Variants in PCDHA7 observed in about 807,000 individuals in gnomAD.
PCDHA7 encodes protocadherin alpha 7, also known as protocadherin alpha-7.
PCDHA7 carries 37 observed loss-of-function variants against 57.2 expected under a neutral mutation model. The ratio of observed to expected loss-of-function variants is 0.65; its 90% CI spans 0.50 to 0.85. PCDHA7 has a LOEUF of 0.85. PCDHA7 is among the 40% of genes least tolerant of loss of function. PCDHA7 has a pLI of 0.00. For missense variants in PCDHA7, 1,188 were observed against 1,241.8 expected, an observed-to-expected ratio of 0.96 and a Z score of 0.65; for synonymous variants, 553 against 558.8, an observed-to-expected ratio of 0.99 and a Z score of 0.15.
intron 1 of PCDHA7, among the ~76,000 whole-genome samples, chr5:140,978,417 A>G (rs2096800848): frequency 6.6e-6 from 1 of 152,158 alleles, no homozygotes. Context: ...CAGAAAAGAG[A>G]CTGTTATCAG....
chr5:140,924,747 T>G (rs1026870483), intron 1 of PCDHA7, among the ~76,000 whole-genome samples: 2 of 151,786 alleles, frequency 1.3e-5, no homozygotes, highest in African/African-American at 4.8e-5. Flanking sequence ...ATACAAAAAT[T>G]AACCGAGCAT....
chr5:140,842,394 C>T (rs2150335201), intron 1 of PCDHA7: 6 of 1,611,212 alleles, frequency 3.7e-6, no homozygotes, highest in Admixed American at 3.3e-5. Flanking sequence ...TTATCCTTGC[C>T]TGTACGTGAA....
intron 3 of PCDHA7, among the ~76,000 whole-genome samples, chr5:140,987,959 C>T (rs1222591572): frequency 1.3e-5 from 2 of 152,132 alleles, no homozygotes; most frequent in South Asian, 2.1e-4. Context: ...AAACCAACTC[C>T]CCATGGAAAG....
At chr5:140,869,391 C>CG (rs2051094995) in intron 1 of PCDHA7, 1 of 1,614,020 alleles carries the variant, frequency 6.2e-7, no homozygotes, top group Non-Finnish European at 8.5e-7. Context: ...AGGAGCTGTG[C>CG]GGGCAGAGCG....
chr5:140,836,381 G>A lies in PCDHA7; in HGVS notation c.1998G>A (p.Leu666=). ...EPSLTATATV[L]VSLVESGQAP... ...CGCTGACAGCCACAGCCACCGTGCT[G>A]GTGTCGCTGGTGGAAAGCGGCCAGG... Residue 666 remains leucine, a synonymous_variant, in exon 1 of 4, where the codon CTG becomes CTA. Transcript: ENST00000525929. 2 of 1,613,746 alleles carry A rather than the reference G, an allele frequency of 1.2e-6. No individual in the cohort carries two copies. Among genetic ancestry groups the A allele is most frequent in the Non-Finnish European group, 1.7e-6 (2 of 1,179,842 alleles).
chr5:140,995,800 A>G (rs180764210), intron 3 of PCDHA7, among the ~76,000 whole-genome samples: 3 of 152,282 alleles, frequency 2.0e-5, no homozygotes, highest in Non-Finnish European at 2.9e-5. Context: ...GTCTCATGTT[A>G]GTTTCTGAAG....
At position 140,834,478 on chromosome 5, in the gene PCDHA7, A is replaced by T; in HGVS notation, c.95A>T (p.His32Leu). 6.2e-7 allele frequency: 1 copy of T among 1,614,162 alleles called. No individual in the cohort carries two copies. Reference protein sequence around the residue: ...AAWEAGRGQLHYSVPEEAKHG... With the variant: ...AAWEAGRGQLLYSVPEEAKHG... ...TGGGAGGCAGGGAGAGGCCAGCTCC[A>T]CTACTCGGTCCCCGAGGAGGCTAAA... The change falls in exon 1 of 4, where the codon CAC becomes CTC. Residue 32 changes from histidine (H) to leucine (L), a missense_variant. Physicochemically the swap from His to Leu is moderately conservative, Grantham distance 99. Coordinates refer to ENST00000525929, the MANE Select transcript of PCDHA7 (RefSeq NM_018910.3).
chr5:141,010,462 T>A lies in PCDHA7; in HGVS notation c.*525T>A. On this transcript the variant is annotated 3_prime_UTR_variant, in exon 4 of 4. Transcript: ENST00000525929. ...ACAAATAAACAGCGGAAGTTATCAGTATGGAGGGGAAGTGTAAACTTAAAG... is the reference window on the plus strand; with the variant it reads ...ACAAATAAACAGCGGAAGTTATCAGAATGGAGGGGAAGTGTAAACTTAAAG... The A allele has an allele frequency of 2.4e-6, 2 of 822,568 alleles. No individual in the cohort carries two copies. Among genetic ancestry groups the A allele is most frequent in the Non-Finnish European group, 3.6e-6 (2 of 552,664 alleles). The allele number at this position is 822,568 out of a possible 1,614,324, so 51.0% of individuals were successfully genotyped here.
intron 1 of PCDHA7, among the ~76,000 whole-genome samples, chr5:140,973,587 C>T (rs2096594455): frequency 6.6e-6 from 1 of 152,194 alleles, no homozygotes; most frequent in African/African-American, 2.4e-5. Flanking sequence ...ACTGCTGAGC[C>T]AGATGGAATT....
At chr5:140,847,123 C>T (rs1554141658) in intron 1 of PCDHA7, among the ~76,000 whole-genome samples, 1 of 149,564 alleles carries the variant, frequency 6.7e-6, no homozygotes, top group African/African-American at 2.4e-5. Context: ...AGAATGAAAG[C>T]AGGAAAACCA....
intron 1 of PCDHA7, chr5:140,966,689 G>A (rs1002366053): frequency 2.2e-6 from 3 of 1,343,650 alleles, no homozygotes; most frequent in Non-Finnish European, 2.9e-6. Context: ...GAGCGGAGGC[G>A]GGGCCCGGGC....
At position 140,834,541 on chromosome 5, in the gene PCDHA7, G is replaced by A; in HGVS notation, c.158G>A (p.Gly53Glu). The change falls in exon 1 of 4, where the codon GGG becomes GAG. Residue 53 changes from glycine to glutamate, a missense_variant. Gly to Glu is a moderately conservative substitution (Grantham distance 98, BLOSUM62 -2). Around this residue, in one of 3 missense-constraint regions of PCDHA7, gnomAD observed 194 missense variants for 185.8 expected, o/e 1.04. Coordinates refer to ENST00000525929, the MANE Select transcript of PCDHA7 (RefSeq NM_018910.3). ...GTGGGCCGCATCGCGCAGGACCTGG[G>A]GCTGGAGCTGGCGGAGCTGGTGCCG... ...NFVGRIAQDL[G>E]LELAELVPRL... 1.2e-6 allele frequency: 2 copies of A among 1,614,080 alleles called. No homozygotes were observed. Among genetic ancestry groups the A allele is most frequent in the African/African-American group, 1.3e-5 (1 of 75,064 alleles).
In PCDHA7 at chr5:140,836,794, C is replaced by T. The variant is rs2150270032; in HGVS notation, c.2355+56C>T. 8 of 1,396,752 alleles carry T rather than the reference C, an allele frequency of 5.7e-6. No individual in the cohort carries two copies. In the African/African-American group the frequency reaches 7.2e-5, roughly 13 times the overall value. The allele number at this position is 1,396,752 out of a possible 1,614,324, so 86.5% of individuals were successfully genotyped here. A position where few individuals can be genotyped will look rare whatever the true frequency, so the allele number is the denominator to read the frequency against. The stretch of plus-strand genomic sequence containing the variant: ...TTTTAAAACAATTAGTTCAATTGGT[C>T]TCCTTAAATTTTCTTTCATAATTTC... On this transcript the variant is annotated intron_variant, in intron 1 of 3. Transcript: ENST00000525929.
intron 3 of PCDHA7, among the ~76,000 whole-genome samples, chr5:140,985,216 C>G (rs1009954667): frequency 1.3e-5 from 2 of 152,186 alleles, no homozygotes; most frequent in Non-Finnish European, 2.9e-5. Flanking sequence ...GGATTACAGG[C>G]GTGAGCCACC....
chr5:140,886,659 C>T (rs782545078), intron 1 of PCDHA7, among the ~76,000 whole-genome samples: 4 of 151,858 alleles, frequency 2.6e-5, no homozygotes, highest in African/African-American at 4.8e-5. Context: ...AACCCTGTCT[C>T]TACTAAAAAT....
chr5:140,870,202 G>T, intron 1 of PCDHA7: 1 of 1,614,162 alleles, frequency 6.2e-7, no homozygotes, highest in Non-Finnish European at 8.5e-7. Flanking sequence ...GCCCAGCACG[G>T]TCATTGCCCT....
At chr5:140,928,676 G>A in intron 1 of PCDHA7, 2 of 1,614,166 alleles carry the variant, frequency 1.2e-6, no homozygotes, top group East Asian at 2.2e-5. Context: ...TCTAATGCCT[G>A]GCTTTCCTAC....
intron 3 of PCDHA7, among the ~76,000 whole-genome samples, chr5:141,000,361 G>GTCTCTC (rs148596731): frequency 3.0e-3 from 79 of 26,442 alleles, no homozygotes; most frequent in East Asian, 6.3e-3. Flanking sequence ...GTCTCTCTCT[G>GTCTCTC]TCTCTCTCTC....
At chr5:140,882,768 C>CA in intron 1 of PCDHA7, 1 of 1,614,222 alleles carries the variant, frequency 6.2e-7, no homozygotes, top group Non-Finnish European at 8.5e-7. Flanking sequence ...GTAAACTCGG[C>CA]ATTGACCTAC....
Sources: allele counts gnomAD v4.1 joint callset (sites outside exome capture counted in the v4.1 genomes callset), GRCh38; gene constraint gnomAD v4.1.1; regional missense constraint gnomAD v4.1.1; transcripts MANE v1.5; gene names NCBI Gene and HGNC (gene_info 2026-07-23, HGNC 2026-07-21).